The following NLRP9 variants were observed in gnomAD, a reference collection of about 807,000 sequenced individuals.
NLRP9 encodes NLR family pyrin domain containing 9.
Under a neutral mutation model 83.1 loss-of-function variants are expected in NLRP9, and 88 were observed. That is an observed-to-expected ratio of 1.06 (90% confidence interval 0.89 to 1.26). The LOEUF (loss-of-function observed/expected upper bound fraction) is 1.26. Ranked by LOEUF, NLRP9 falls within the 50% of genes most tolerant of loss-of-function variation. NLRP9 has a pLI of 0.00. For missense variants in NLRP9, 1,308 were observed against 1,179.3 expected (o/e 1.11, Z -1.60); for synonymous variants, 521 against 447.6 (o/e 1.16, Z -2.07).
At chr19:55,709,074 T>TG (rs1296623620) in intron 8 of NLRP9, 30 bp from the exon 9 acceptor site, 14 of 1,542,302 alleles carry the variant, frequency 9.1e-6, no homozygotes, top group Middle Eastern at 1.7e-4. Context: ...GTTTTTTTTT[T>TG]TGTTTTTCAT....
At chr19:55,711,384 A>G (rs1334531836) in intron 8 of NLRP9, 5 of 1,249,190 alleles carry the variant, frequency 4.0e-6, no homozygotes, top group Non-Finnish European at 5.2e-6. Flanking sequence ...AACTGCTGCC[A>G]TTTGGCGAAT....
chr19:55,711,735 C>A, intron 8 of NLRP9, 65 bp downstream of exon 8: 1 of 1,519,926 alleles, frequency 6.6e-7, no homozygotes, highest in Non-Finnish European at 9.1e-7. Flanking sequence ...CGCGGTTGAG[C>A]AAATGGCCAA....
intron 1 of NLRP9, among the ~76,000 whole-genome samples, chr19:55,733,953 C>G (rs1285068421): frequency 8.7e-6 from 1 of 115,572 alleles, no homozygotes; most frequent in Non-Finnish European, 1.7e-5. Context: ...GACGGAGTCT[C>G]GCTCTGTCGC....
intron 8 of NLRP9, among the ~76,000 whole-genome samples, chr19:55,710,028 G>A (rs1156284133): frequency 2.6e-5 from 4 of 152,052 alleles, no homozygotes; most frequent in Non-Finnish European, 4.4e-5. Flanking sequence ...ACAAAATTTC[G>A]TAGACATTTA....
intron 2 of NLRP9, 89 bp from the exon 3 acceptor site, chr19:55,730,081 C>G: frequency 8.1e-7 from 1 of 1,238,426 alleles, no homozygotes; most frequent in Non-Finnish European, 1.1e-6. Context: ...TCCAAAGCAC[C>G]TCAAAGCTGA....
Position 55,733,305 on chromosome 19 carries a change from T to A in NLRP9, c.526A>T (p.Lys176Ter). The A allele has an allele frequency of 6.2e-7, 1 of 1,614,058 alleles. No homozygotes were observed. Among genetic ancestry groups the A allele is most frequent in the Non-Finnish European group, 8.5e-7 (1 of 1,179,902 alleles). The change falls in exon 2 of 9, where the codon AAG becomes TAG. Residue 176 changes from lysine (K) to a stop codon, truncating the protein, a stop_gained. Coordinates refer to ENST00000332836, the MANE Select transcript of NLRP9 (RefSeq NM_176820.4). LOFTEE classifies it high-confidence loss of function. The stretch of plus-strand genomic sequence containing the variant: ...AAAAACACAAATGTGAACCTGTCCT[T>A]CCATAAGTTTCCCTCTGCCCAGTCC... ...MLDWAEGNLW[K>*]DRFTFVFFLN... is the part of the protein sequence containing the mutation.
chr19:55,721,373 C>T (rs756498924), intron 4 of NLRP9, among the ~76,000 whole-genome samples: 16 of 152,222 alleles, frequency 1.1e-4, no homozygotes, highest in Non-Finnish European at 1.9e-4. Flanking sequence ...CAGATACACA[C>T]GAATTAAGGT....
At chr19:55,736,129 C>T (rs547071344) in intron 1 of NLRP9, among the ~76,000 whole-genome samples, 6 of 151,994 alleles carry the variant, frequency 3.9e-5, no homozygotes, top group East Asian at 3.9e-4. Context: ...TGATGATTCA[C>T]GCCTGTAATC....
At chr19:55,735,650 T>G (rs1988765071) in intron 1 of NLRP9, among the ~76,000 whole-genome samples, 1 of 152,166 alleles carries the variant, frequency 6.6e-6, no homozygotes, top group Non-Finnish European at 1.5e-5. Flanking sequence ...TCTAAATTCA[T>G]GCACATTTTT....
At chr19:55,714,715 G>C (rs1404709024) in intron 6 of NLRP9, among the ~76,000 whole-genome samples, 2 of 152,160 alleles carry the variant, frequency 1.3e-5, no homozygotes, top group Non-Finnish European at 2.9e-5. Context: ...TCTGGAGCCG[G>C]GAAGTCCAAG....
chr19:55,727,342 T>C (rs1988432804), intron 3 of NLRP9, among the ~76,000 whole-genome samples: 1 of 152,190 alleles, frequency 6.6e-6, no homozygotes, highest in Non-Finnish European at 1.5e-5. Context: ...CTAAGGTTCC[T>C]AGGAAGGACA....
chr19:55,709,044 C>G lies in NLRP9; in HGVS notation c.2844G>C (p.Gly948=). The change falls in exon 9 of 9, where the codon GGG becomes GGC. Residue 948 remains glycine (G), a splice_region_variant and synonymous_variant. Coordinates refer to ENST00000332836, the MANE Select transcript of NLRP9 (RefSeq NM_176820.4). ...SHPDCALQML[G]LHKSGFDEET... ...CTTCATCAAAGCCAGATTTGTGCAG[C>G]CTGGGAAAATAGAAATAAAGTTTTT... The G allele has an allele frequency of 7.7e-6, 12 of 1,558,392 alleles. No homozygotes were observed. Among genetic ancestry groups the G allele is most frequent in the Non-Finnish European group, 1.0e-5 (12 of 1,162,610 alleles).
intron 3 of NLRP9, among the ~76,000 whole-genome samples, chr19:55,725,929 G>A (rs909966250): frequency 2.6e-5 from 4 of 152,070 alleles, no homozygotes; most frequent in Non-Finnish European, 5.9e-5. Context: ...GGGAGGCTGA[G>A]GCAGGAGAAT....
At chr19:55,720,701 C>A in intron 4 of NLRP9, among the ~76,000 whole-genome samples, 1 of 152,154 alleles carries the variant, frequency 6.6e-6, no homozygotes, top group East Asian at 1.9e-4. Context: ...AAGAATCTCT[C>A]TTAATTCAAA....
chr19:55,714,496 CCAACTCCTGAGTCCCCTGCTGTGTCCTTA>C (rs1555794147), intron 6 of NLRP9, among the ~76,000 whole-genome samples: 1 of 152,126 alleles, frequency 6.6e-6, no homozygotes, highest in Non-Finnish European at 1.5e-5. Flanking sequence ...GGCTGGAGAC[CCAACTCCTGAGTCCCCTGCTGTGTCCTTA>C]CAACTCCTTC....
At chr19:55,722,742 C>A (rs1225542088) in intron 4 of NLRP9, among the ~76,000 whole-genome samples, 4 of 152,084 alleles carry the variant, frequency 2.6e-5, no homozygotes, top group African/African-American at 9.7e-5. Flanking sequence ...GCCTTGGAAC[C>A]AACCCAAACG....
chr19:55,722,388 T>C (rs1020130576), intron 4 of NLRP9, among the ~76,000 whole-genome samples: 1 of 152,166 alleles, frequency 6.6e-6, no homozygotes, highest in Non-Finnish European at 1.5e-5. Flanking sequence ...TGCCATGATA[T>C]GGAAACAGCT....
intron 4 of NLRP9, 23 bp downstream of exon 4, chr19:55,723,957 C>T (rs372491507): frequency 3.0e-5 from 48 of 1,586,512 alleles, no homozygotes; most frequent in South Asian, 1.5e-4. Flanking sequence ...AAACAGCACT[C>T]GGCATGAACA....
intron 4 of NLRP9, among the ~76,000 whole-genome samples, chr19:55,717,900 T>C (rs1486851829): frequency 2.6e-5 from 4 of 152,208 alleles, no homozygotes; most frequent in Non-Finnish European, 5.9e-5. Flanking sequence ...CAGATGCTCC[T>C]GCACTCGTGT....
Sources: allele counts gnomAD v4.1 joint callset (sites outside exome capture counted in the v4.1 genomes callset), GRCh38; gene constraint gnomAD v4.1.1; transcripts MANE v1.5; gene names NCBI Gene and HGNC (gene_info 2026-07-23, HGNC 2026-07-21).